SIPA1L3: variants seen among roughly 807,000 people sequenced by gnomAD.
SIPA1L3 encodes the protein signal induced proliferation associated 1 like 3.
In SIPA1L3, 59 loss-of-function variants were observed where a neutral mutation model predicts 150.1. The ratio of observed to expected loss-of-function variants is 0.39; its 90% CI spans 0.32 to 0.49. The LOEUF (loss-of-function observed/expected upper bound fraction) is 0.49. SIPA1L3 is among the 20% of genes least tolerant of loss of function. The pLI, the probability that SIPA1L3 is intolerant of heterozygous loss-of-function variation, is 0.86. For synonymous variants in SIPA1L3, 1,070 were observed against 1,077.6 expected (o/e 0.99, Z 0.14); for missense variants, 2,211 against 2,489.5 (o/e 0.89, Z 2.38).
intron 8 of SIPA1L3, among the ~76,000 whole-genome samples, chr19:38,112,285 T>C (rs185332045): frequency 1.5e-4 from 22 of 150,914 alleles, no homozygotes; most frequent in African/African-American, 4.1e-4. Context: ...TGCACACACA[T>C]ATGCACACAT....
rs73631984 is a variant in SIPA1L3 at position 38,006,984 on chromosome 19, G to A, written c.-378-22105G>A. 6.8e-3 allele frequency among the ~76,000 whole-genome samples: 1,032 copies of A among 152,328 alleles called. 14 individuals are homozygous for A. The highest frequency in any genetic ancestry group is 0.024 in the African/African-American group (979 of 41,584). ...CATGCGGCCGGGAAGGTAGAGTAAG[G>A]CCCTGATAAGAGGGGCCTTCCGTGT... On this transcript the variant is annotated intron_variant, in intron 1 of 21. Transcript: ENST00000222345.
rs202045900 is a variant in SIPA1L3, at chr19:38,111,021, T to TG, written c.2291+640dup. ...AGAATTGAGGAGGTTTTTGTTGTTT[T>TG]GGGTTTTTTTTTTTTTTTTTAAGAC... On this transcript the variant is annotated intron_variant, in intron 8 of 21. Coordinates refer to ENST00000222345, the MANE Select transcript of SIPA1L3 (RefSeq NM_015073.3). Among the ~76,000 whole-genome samples, 1,215 of 134,338 alleles carry TG rather than the reference T, an allele frequency of 9.0e-3. 15 individuals carry two copies. The highest frequency in any genetic ancestry group is 0.04 in the African/African-American group (1,127 of 28,100). The allele number at this position is 134,338 out of a possible 152,430, so 88.1% of individuals were successfully genotyped here.
chr19:37,937,047 G>A (rs891074129), intron 1 of SIPA1L3, among the ~76,000 whole-genome samples: 30 of 152,148 alleles, frequency 2.0e-4, no homozygotes, highest in African/African-American at 7.2e-4. Flanking sequence ...TTTGTTTGTA[G>A]AGATGGGATC....
chr19:38,050,422 C>T (rs1197986193), intron 2 of SIPA1L3, among the ~76,000 whole-genome samples: 1 of 151,966 alleles, frequency 6.6e-6, no homozygotes, highest in South Asian at 2.1e-4. Flanking sequence ...CACCACTGCA[C>T]TCCAGCCTGG....
At chr19:38,059,418 C>G (rs1030110988) in intron 2 of SIPA1L3, among the ~76,000 whole-genome samples, 3 of 151,734 alleles carry the variant, frequency 2.0e-5, no homozygotes, top group African/African-American at 7.3e-5. Context: ...ATTCTCCTGC[C>G]TCAACCTCCT....
At chr19:37,942,204 G>C (rs2046665679) in intron 1 of SIPA1L3, among the ~76,000 whole-genome samples, 1 of 152,072 alleles carries the variant, frequency 6.6e-6, no homozygotes, top group Non-Finnish European at 1.5e-5. Context: ...TCATTGTTTA[G>C]GTTGGGGGAC....
At chr19:38,070,840 C>T (rs572531230) in intron 2 of SIPA1L3, among the ~76,000 whole-genome samples, 10 of 152,308 alleles carry the variant, frequency 6.6e-5, no homozygotes, top group East Asian at 1.9e-4. Flanking sequence ...GAGGAACCCT[C>T]GGACTTGATG....
rs371033964 is a variant in SIPA1L3, at chr19:38,040,984, C to T, written c.-311+11828C>T. Among the ~76,000 whole-genome samples the T allele has an allele frequency of 2.8e-3, 426 of 152,106 alleles. 2 individuals carry two copies. The highest frequency in any genetic ancestry group is 9.5e-3 in the African/African-American group (396 of 41,500). ...TTCACCGTGTTAGCCAGGATGGTCT[C>T]GATCTCCTGACCTCATGATCTGCCC... On this transcript the variant is annotated intron_variant, in intron 2 of 21. Transcript: ENST00000222345.
intron 1 of SIPA1L3, among the ~76,000 whole-genome samples, chr19:37,911,016 G>T (rs182824742): frequency 6.6e-6 from 1 of 152,238 alleles, no homozygotes. Context: ...TTGTTGTAAC[G>T]TGTCAAACAA....
intron 1 of SIPA1L3, among the ~76,000 whole-genome samples, chr19:38,025,047 C>A (rs1429982295): frequency 6.6e-6 from 1 of 152,166 alleles, no homozygotes; most frequent in East Asian, 1.9e-4. Context: ...CCTCTGCTCA[C>A]CCTCAGGTGG....
At chr19:38,032,039 A>G (rs1422265388) in intron 2 of SIPA1L3, among the ~76,000 whole-genome samples, 1 of 152,150 alleles carries the variant, frequency 6.6e-6, no homozygotes, top group Non-Finnish European at 1.5e-5. Context: ...ACTTCCACCC[A>G]CTAATTTTAC....
At chr19:37,919,767 GTGGCGCGATCTCAGCTCACCGCA>G (rs2145480499) in intron 1 of SIPA1L3, among the ~76,000 whole-genome samples, 1 of 134,432 alleles carries the variant, frequency 7.4e-6, no homozygotes, top group South Asian at 2.5e-4. Context: ...CTGGAGTGCA[GTGGCGCGATCTCAGCTCACCGCA>G]ACCTCTGCCT....
chr19:37,986,470 C>T (rs1195149912), intron 1 of SIPA1L3, among the ~76,000 whole-genome samples: 2 of 152,212 alleles, frequency 1.3e-5, no homozygotes, highest in African/African-American at 2.4e-5. Context: ...TGGCAGTCAG[C>T]CAGGCTTCAG....
chr19:38,019,225 A>G (rs773512014), intron 1 of SIPA1L3, among the ~76,000 whole-genome samples: 40 of 152,224 alleles, frequency 2.6e-4, no homozygotes, highest in Non-Finnish European at 5.0e-4. Context: ...TAAGACATCC[A>G]GAGATAGGCA....
chr19:37,942,331 T>C (rs2046666818), intron 1 of SIPA1L3, among the ~76,000 whole-genome samples: 1 of 151,578 alleles, frequency 6.6e-6, no homozygotes, highest in Non-Finnish European at 1.5e-5. Flanking sequence ...GAAGGGATTG[T>C]GGGAGGCTGG....
rs545130121 is a variant in SIPA1L3 at position 38,153,066 on chromosome 19, C to T, written c.3661+99C>T. The T allele has an allele frequency of 8.1e-5, 114 of 1,415,392 alleles. No individual in the cohort carries two copies. In the East Asian group the frequency reaches 1.3e-3, roughly 16 times the overall value. 87.7% of individuals were successfully genotyped at this position (1,415,392 alleles called of 1,614,324 possible). Reference sequence around the variant, plus strand: ...GCAACACTCCCCCTCTTGTGAGTGACGGATAAAACACAAAAGAAAGCTGTA... The same window carrying T: ...GCAACACTCCCCCTCTTGTGAGTGATGGATAAAACACAAAAGAAAGCTGTA... On this transcript the variant is annotated intron_variant, in intron 13 of 21. Coordinates refer to ENST00000222345, the MANE Select transcript of SIPA1L3 (RefSeq NM_015073.3).
chr19:38,196,724 A>G (rs540499132), intron 18 of SIPA1L3, among the ~76,000 whole-genome samples: 2 of 143,040 alleles, frequency 1.4e-5, no homozygotes, highest in Admixed American at 6.9e-5. Flanking sequence ...AGGAACATAG[A>G]GTCAAGGGCA....
At chr19:38,130,348 C>T in intron 9 of SIPA1L3, 150 bp from the exon 10 acceptor site, 2 of 761,812 alleles carry the variant, frequency 2.6e-6, no homozygotes, top group Non-Finnish European at 4.2e-6. Context: ...GTGCGTGTTC[C>T]CCCTGCGGGT....
At chr19:37,924,228 A>C (rs1350355883) in intron 1 of SIPA1L3, among the ~76,000 whole-genome samples, 1 of 151,992 alleles carries the variant, frequency 6.6e-6, no homozygotes, top group Non-Finnish European at 1.5e-5. Context: ...CTTTTAGTAA[A>C]AACTAAGACA....
Sources: gnomAD v4.1 joint callset for allele counts (sites outside exome capture counted in the v4.1 genomes callset) on GRCh38, gnomAD v4.1.1 for gene constraint, MANE v1.5 for transcripts, NCBI Gene and HGNC (gene_info 2026-07-23, HGNC 2026-07-21) for gene names.